The following ZIM2 variants were observed in gnomAD, a reference collection of about 807,000 sequenced individuals.
ZIM2 encodes zinc finger imprinted 2, also known as zinc finger protein 656.
A neutral mutation model predicts 38.6 loss-of-function variants in ZIM2; 14 were observed. That is an observed-to-expected ratio of 0.36 (90% CI 0.24 to 0.57). The LOEUF (loss-of-function observed/expected upper bound fraction) is 0.57, where lower values mean the gene tolerates loss of function less well. Ranked by LOEUF, ZIM2 falls within the 20% of genes least tolerant of loss-of-function variation. ZIM2 has a pLI of 0.81. For missense variants in ZIM2, 680 were observed against 695.1 expected, an observed-to-expected ratio of 0.98 and a Z score of 0.24; for synonymous variants, 247 against 245.8, an observed-to-expected ratio of 1.00 and a Z score of -0.04.
rs1362252276 is a variant in ZIM2 at position 56,819,110 on chromosome 19, T to C, written c.295-408A>G. ...GGCAGGTGGGGCCTTAAGTGGTAAG[T>C]GAGATTATGACACATATAGAAAGGG... On this transcript the variant is annotated intron_variant, in intron 7 of 12. Coordinates refer to ENST00000629319, the MANE Select transcript of ZIM2 (RefSeq NM_001387356.1). 2.0e-5 allele frequency among the ~76,000 whole-genome samples: 3 copies of C among 152,056 alleles called. No homozygotes were observed. In the East Asian group the frequency reaches 5.8e-4, roughly 29 times the overall value.
rs200279106 is a variant in ZIM2, at chr19:56,824,366, A to C, written c.-89T>G. On this transcript the variant is annotated 5_prime_UTR_variant, in exon 4 of 13. Transcript: ENST00000629319. ...CCAAGGCTTGAGCTTTTCAGGGATG[A>C]TGGTCAGGTACTGCTCAAGGACCAA... 2.5e-6 allele frequency: 4 copies of C among 1,614,050 alleles called. No homozygotes were observed. In the Admixed American group the frequency reaches 6.7e-5, roughly 27 times the overall value.
chr19:56,827,387 TG>T (rs2061149120), intron 2 of ZIM2, among the ~76,000 whole-genome samples: 1 of 151,668 alleles, frequency 6.6e-6, no homozygotes, highest in Non-Finnish European at 1.5e-5. Flanking sequence ...CATTGAAAAA[TG>T]GAAGTTATTT....
chr19:56,835,503 T>C (rs1272331413), intron 2 of ZIM2, among the ~76,000 whole-genome samples: 1 of 152,234 alleles, frequency 6.6e-6, no homozygotes, highest in Non-Finnish European at 1.5e-5. Context: ...AGCTTTAATG[T>C]TCTTTACCAT....
intron 9 of ZIM2, among the ~76,000 whole-genome samples, chr19:56,803,945 G>T (rs2047643539): frequency 6.6e-6 from 1 of 152,206 alleles, no homozygotes; most frequent in South Asian, 2.1e-4. Flanking sequence ...AAAAACAGTT[G>T]CACTGCAGGC....
At chr19:56,799,647 T>C (rs1024159249) in intron 9 of ZIM2, 2 of 152,184 alleles carry the variant, frequency 1.3e-5, no homozygotes, top group Admixed American at 1.3e-4. Context: ...ATATACCTAC[T>C]ACCTGATCCA....
In ZIM2 at chr19:56,824,392, G is replaced by C. The variant is rs749032598; in HGVS notation, c.-115C>G. On this transcript the variant is annotated 5_prime_UTR_variant, in exon 4 of 13. Coordinates refer to ENST00000629319, the MANE Select transcript of ZIM2 (RefSeq NM_001387356.1). ...TGGTCAGGTACTGCTCAAGGACCAAGAGCTCGATGATCTCCTCCTTGGTGC... is the reference window on the plus strand; with the variant it reads ...TGGTCAGGTACTGCTCAAGGACCAACAGCTCGATGATCTCCTCCTTGGTGC... 13 of 1,614,002 alleles carry C rather than the reference G, an allele frequency of 8.1e-6. No homozygotes were observed. The highest frequency in any genetic ancestry group is 1.7e-5 in the Admixed American group (1 of 59,992).
At chr19:56,798,132 G>A (rs571995912) in intron 9 of ZIM2, 2 of 152,182 alleles carry the variant, frequency 1.3e-5, no homozygotes, top group South Asian at 2.1e-4. Context: ...AAACTGCCAT[G>A]AAGACTGCTT....
rs191716523 is a variant in ZIM2 at position 56,813,740 on chromosome 19, C to T, written c.490+4006G>A. 1.7e-5 allele frequency: 28 copies of T among 1,614,086 alleles called. No individual in the cohort carries two copies. Among genetic ancestry groups the T allele is most frequent in the Middle Eastern group, 3.3e-4 (2 of 6,062 alleles). On this transcript the variant is annotated intron_variant, in intron 9 of 12. Coordinates refer to ENST00000629319, the MANE Select transcript of ZIM2 (RefSeq NM_001387356.1). ...CGGTCATTGAAGAGCTGCCCACAGA[C>T]GTCACATTTGAAGTACTTCTCATCA...
chr19:56,811,398 T>C, intron 9 of ZIM2: 1 of 877,168 alleles, frequency 1.1e-6, no homozygotes, highest in Non-Finnish European at 1.4e-6. Context: ...CGTGTCCTGC[T>C]TTCTCCACTT....
In ZIM2 at chr19:56,834,561, A is replaced by G. The variant is rs141549740; in HGVS notation, c.-227+1457T>C. ...ATTAATAAACCAGAATTGTGGGAAC[A>G]GGAACATCCTATTTCAAGTCACATG... On this transcript the variant is annotated intron_variant, in intron 2 of 12. Coordinates refer to ENST00000629319, the MANE Select transcript of ZIM2 (RefSeq NM_001387356.1). Among the ~76,000 whole-genome samples, 9 of 152,358 alleles carry G rather than the reference A, an allele frequency of 5.9e-5. No individual in the cohort carries two copies. In the East Asian group the frequency reaches 1.7e-3, roughly 29 times the overall value.
At chr19:56,817,413 T>C in intron 9 of ZIM2, 1 of 1,614,132 alleles carries the variant, frequency 6.2e-7, no homozygotes, top group Non-Finnish European at 8.5e-7. Flanking sequence ...CATCTGACAT[T>C]CTGGGGAATC....
intron 3 of ZIM2, among the ~76,000 whole-genome samples, chr19:56,825,745 A>C (rs929229928): frequency 4.6e-5 from 7 of 152,220 alleles, no homozygotes; most frequent in Non-Finnish European, 1.0e-4. Context: ...CTTCCAGAGA[A>C]GAAAAAAAAC....
Position 56,774,712 on chromosome 19 carries a change from T to G in ZIM2, c.1653A>C (p.Lys551Asn). 2.5e-6 allele frequency: 4 copies of G among 1,614,126 alleles called. No individual in the cohort carries two copies. Among genetic ancestry groups the G allele is most frequent in the Non-Finnish European group, 3.4e-6 (4 of 1,180,012 alleles). The change falls in exon 13 of 13, where the codon AAA becomes AAC. Residue 551 changes from lysine to asparagine, a missense_variant. Lys to Asn is a moderately conservative substitution (Grantham distance 94, BLOSUM62 0). Transcript: ENST00000629319. ...TQHYQLHSQEKTVECDHC is the reference protein window; with the variant it reads ...TQHYQLHSQENTVECDHC ...CTCAACAGTGATCGCACTCAACAGTTTTCTCTTGAGAATGGAGTTGATAAT... is the reference window on the plus strand; with the variant it reads ...CTCAACAGTGATCGCACTCAACAGTGTTCTCTTGAGAATGGAGTTGATAAT...
intron 12 of ZIM2, 136 bp from the exon 13 acceptor site, chr19:56,775,665 A>T: frequency 3.5e-6 from 5 of 1,439,614 alleles, no homozygotes; most frequent in Non-Finnish European, 3.6e-6. Context: ...CTGAAAAAAA[A>T]AAAGTAAAAA....
chr19:56,838,749 T>C (rs1453384694), intron 1 of ZIM2, among the ~76,000 whole-genome samples: 1 of 152,218 alleles, frequency 6.6e-6, no homozygotes, highest in African/African-American at 2.4e-5. Flanking sequence ...CCAGTCCCAC[T>C]GGCAAAACAG....
At chr19:56,792,891 C>T (rs1480574425) in intron 9 of ZIM2, among the ~76,000 whole-genome samples, 2 of 152,326 alleles carry the variant, frequency 1.3e-5, no homozygotes, top group Non-Finnish European at 1.5e-5. Flanking sequence ...GTATAAAATG[C>T]ATTCTTTCAT....
intron 9 of ZIM2, chr19:56,798,569 A>C (rs536826356): frequency 2.0e-5 from 3 of 152,366 alleles, no homozygotes; most frequent in African/African-American, 7.2e-5. Context: ...TTTCATGACA[A>C]AGATGCCAAA....
intron 9 of ZIM2, among the ~76,000 whole-genome samples, chr19:56,795,098 A>C (rs532273887): frequency 2.4e-4 from 36 of 151,420 alleles, no homozygotes; most frequent in Admixed American, 1.1e-3. Context: ...TCAGTCGCCC[A>C]GGCTGGAGTG....
At position 56,818,650 on chromosome 19, in the gene ZIM2, T is replaced by A; in HGVS notation, c.347A>T (p.His116Leu). The A allele has an allele frequency of 1.2e-6, 2 of 1,614,208 alleles. No homozygotes were observed. Among genetic ancestry groups the A allele is most frequent in the Non-Finnish European group, 1.7e-6 (2 of 1,180,042 alleles). The change falls in exon 8 of 13, where the codon CAC (histidine) becomes CTC (leucine). Residue 116 changes from histidine to leucine, a missense_variant. Coordinates refer to ENST00000629319, the MANE Select transcript of ZIM2 (RefSeq NM_001387356.1). The part of the protein sequence containing the change: ...VVDLAEDRKP[H>L]NTIQDNMENY... Reference sequence around the variant, plus strand: ...TTCCATGTTGTCCTGGATTGTGTTGTGAGGTTTCCTGTCCTCAGCGAGGTC... The same window carrying A: ...TTCCATGTTGTCCTGGATTGTGTTGAGAGGTTTCCTGTCCTCAGCGAGGTC...
Sources: allele counts gnomAD v4.1 joint callset (sites outside exome capture counted in the v4.1 genomes callset), GRCh38; gene constraint gnomAD v4.1.1; transcripts MANE v1.5; gene names NCBI Gene and HGNC (gene_info 2026-07-23, HGNC 2026-07-21).